Variants in NCKAP5 observed in about 807,000 individuals in gnomAD.
NCKAP5 encodes the protein nck-associated protein 5.
NCKAP5 carries 92 observed loss-of-function variants against 167.0 expected under a neutral mutation model. That is an observed-to-expected ratio of 0.55 (90% confidence interval 0.47 to 0.66). NCKAP5 has a LOEUF of 0.66. Ranked by LOEUF, NCKAP5 falls within the 30% of genes least tolerant of loss-of-function variation. The pLI is 0.00. For synonymous variants in NCKAP5, 891 were observed against 877.4 expected, an observed-to-expected ratio of 1.02 and a Z score of -0.27; for missense variants, 2,378 against 2,315.0, an observed-to-expected ratio of 1.03 and a Z score of -0.56.
intron 6 of NCKAP5, among the ~76,000 whole-genome samples, chr2:133,025,025 G>A (rs867788909): frequency 2.0e-5 from 3 of 152,158 alleles, no homozygotes; most frequent in African/African-American, 7.2e-5. Flanking sequence ...ATGCTTTTAG[G>A]TGTTTTGAAA....
chr2:132,741,858 C>T (rs878925718), intron 16 of NCKAP5, among the ~76,000 whole-genome samples: 3 of 152,056 alleles, frequency 2.0e-5, no homozygotes, highest in Admixed American at 2.0e-4. Flanking sequence ...CTTTTTCCCC[C>T]AATCTAATTA....
upstream of NCKAP5, among the ~76,000 whole-genome samples, chr2:133,570,203 G>A (rs942503513): frequency 8.6e-5 from 13 of 152,046 alleles, no homozygotes; most frequent in Admixed American, 5.9e-4. Flanking sequence ...TTATATAAAT[G>A]ATTAACAGTG....
At chr2:133,638,296 T>C in the NCKAP5 span, among the ~76,000 whole-genome samples, 1 of 151,934 alleles carries the variant, frequency 6.6e-6, no homozygotes, top group African/African-American at 2.4e-5. Context: ...ACTAGGGAAA[T>C]ACAAAAATGA....
chr2:133,517,541 A>T lies in NCKAP5; in HGVS notation c.-15T>A. ...TTTCCCTCCATGGATGAAGTTATTTATTTTCTTTTGTGACTTATAAGAATC... is the reference window on the plus strand; with the variant it reads ...TTTCCCTCCATGGATGAAGTTATTTTTTTTCTTTTGTGACTTATAAGAATC... On this transcript the variant is annotated 5_prime_UTR_variant, in exon 3 of 20. Coordinates refer to ENST00000409261, the MANE Select transcript of NCKAP5 (RefSeq NM_207363.3). 6.6e-7 allele frequency: 1 copy of T among 1,503,864 alleles called. No homozygotes were observed. Among genetic ancestry groups the T allele is most frequent in the East Asian group, 2.4e-5 (1 of 40,924 alleles). 93.2% of individuals were successfully genotyped at this position (1,503,864 alleles called of 1,614,324 possible). A position where few individuals can be genotyped will look rare whatever the true frequency, so the allele number is the denominator to read the frequency against.
At chr2:132,928,276 G>A (rs752991245) in intron 8 of NCKAP5, among the ~76,000 whole-genome samples, 1 of 152,158 alleles carries the variant, frequency 6.6e-6, no homozygotes, top group African/African-American at 2.4e-5. Context: ...TATTCCTGAA[G>A]CTCTTAAAAC....
intron 3 of NCKAP5, among the ~76,000 whole-genome samples, chr2:133,516,820 C>G (rs774779081): frequency 1.3e-5 from 2 of 152,134 alleles, no homozygotes; most frequent in Admixed American, 6.5e-5. Context: ...ACACGCATTG[C>G]GTAACAGAAA....
intron 3 of NCKAP5, among the ~76,000 whole-genome samples, chr2:133,377,029 T>C (rs1027943061): frequency 3.3e-5 from 5 of 152,142 alleles, no homozygotes; most frequent in African/African-American, 1.2e-4. Context: ...TTTTTGGAGT[T>C]CCCTGCATAA....
intron 8 of NCKAP5, among the ~76,000 whole-genome samples, chr2:132,957,736 C>T (rs1429069976): frequency 6.6e-6 from 1 of 152,036 alleles, no homozygotes; most frequent in Non-Finnish European, 1.5e-5. Context: ...AAAATCTGAC[C>T]ATAAGGAAAT....
At chr2:133,426,440 C>CAAAAAAAA (rs77474242) in intron 3 of NCKAP5, among the ~76,000 whole-genome samples, 4 of 73,050 alleles carry the variant, frequency 5.5e-5, no homozygotes, top group Non-Finnish European at 6.3e-5. Flanking sequence ...TAAAGTCTTC[C>CAAAAAAAA]AAAAAAAAAA....
intron 3 of NCKAP5, among the ~76,000 whole-genome samples, chr2:133,439,102 A>G (rs1230841623): frequency 1.3e-5 from 2 of 152,268 alleles, no homozygotes; most frequent in African/African-American, 4.8e-5. Context: ...AAAGAGAGAT[A>G]GCATCCACAG....
At chr2:133,312,935 T>G (rs558788175) in intron 3 of NCKAP5, among the ~76,000 whole-genome samples, 1 of 152,336 alleles carries the variant, frequency 6.6e-6, no homozygotes, top group South Asian at 2.1e-4. Context: ...CCATTCACAT[T>G]TAAGCCTCAC....
intron 3 of NCKAP5, among the ~76,000 whole-genome samples, chr2:133,499,579 A>G (rs1682301070): frequency 6.7e-6 from 1 of 148,710 alleles, no homozygotes; most frequent in South Asian, 2.1e-4. Flanking sequence ...TGTTTTTTTG[A>G]GATGGAGTCT....
intron 4 of NCKAP5, among the ~76,000 whole-genome samples, chr2:133,260,227 A>C (rs2088833192): frequency 6.6e-6 from 1 of 152,216 alleles, no homozygotes. Context: ...CACTCTTTTA[A>C]GTCCAACTCA....
chr2:133,476,639 G>C (rs1235313560), intron 3 of NCKAP5, among the ~76,000 whole-genome samples: 1 of 152,144 alleles, frequency 6.6e-6, no homozygotes, highest in Non-Finnish European at 1.5e-5. Context: ...TAGAGCCAAT[G>C]ATATTAATCA....
chr2:133,419,278 A>G (rs1333168193), intron 3 of NCKAP5, among the ~76,000 whole-genome samples: 1 of 152,224 alleles, frequency 6.6e-6, no homozygotes, highest in Admixed American at 6.5e-5. Context: ...GAGTAATGGA[A>G]TTAGTAGGGA....
At chr2:133,037,216 C>T (rs1396962528) in intron 6 of NCKAP5, among the ~76,000 whole-genome samples, 11 of 152,054 alleles carry the variant, frequency 7.2e-5, no homozygotes, top group East Asian at 5.8e-4. Flanking sequence ...TTAAAATGTC[C>T]GTACTATCCA....
At chr2:133,496,384 C>T (rs1418262217) in intron 3 of NCKAP5, among the ~76,000 whole-genome samples, 1 of 152,142 alleles carries the variant, frequency 6.6e-6, no homozygotes, top group Non-Finnish European at 1.5e-5. Context: ...AGTCCTTCAG[C>T]TCATGTTCAT....
the NCKAP5 span, among the ~76,000 whole-genome samples, chr2:133,650,353 A>C: frequency 6.6e-6 from 1 of 152,248 alleles, no homozygotes; most frequent in Non-Finnish European, 1.5e-5. Flanking sequence ...TTACAAAAAT[A>C]GAAAATACAA....
chr2:132,689,675 T>A (rs1188924058), intron 19 of NCKAP5, among the ~76,000 whole-genome samples: 1 of 152,178 alleles, frequency 6.6e-6, no homozygotes, highest in African/African-American at 2.4e-5. Flanking sequence ...ATCCCAAGCA[T>A]GGATAGGGCC....
Sources: gnomAD v4.1 joint callset for allele counts (sites outside exome capture counted in the v4.1 genomes callset) on GRCh38, gnomAD v4.1.1 for gene constraint, MANE v1.5 for transcripts, NCBI Gene and HGNC (gene_info 2026-07-23, HGNC 2026-07-21) for gene names.